Variants in CCDC14 observed in about 807,000 individuals in gnomAD.
CCDC14 encodes the protein coiled-coil domain-containing protein 14.
CCDC14 carries 71 observed loss-of-function variants against 81.4 expected under a neutral mutation model. That is an observed-to-expected ratio of 0.87 (90% CI 0.72 to 1.06). The LOEUF (loss-of-function observed/expected upper bound fraction) is 1.06, where lower values mean the gene tolerates loss of function less well. Among genes scored for constraint, CCDC14 ranks in the 50% least tolerant of loss-of-function variants. The pLI, the probability that CCDC14 is intolerant of heterozygous loss-of-function variation, is 0.00. For synonymous variants in CCDC14, 332 were observed against 364.8 expected, an observed-to-expected ratio of 0.91 and a Z score of 1.03; for missense variants, 1,046 against 1,047.3, an observed-to-expected ratio of 1.00 and a Z score of 0.02.
intron 12 of CCDC14, among the ~76,000 whole-genome samples, chr3:123,920,186 G>A (rs2034960919): frequency 6.6e-6 from 1 of 152,034 alleles, no homozygotes. Flanking sequence ...AGCCTGAAAA[G>A]AGGACATTTA....
At chr3:123,923,221 A>G (rs2035156468) in intron 12 of CCDC14, among the ~76,000 whole-genome samples, 1 of 152,124 alleles carries the variant, frequency 6.6e-6, no homozygotes, top group Non-Finnish European at 1.5e-5. Flanking sequence ...CACTTGATAC[A>G]TTTCAACACT....
rs897250246 is a variant in CCDC14 at position 123,928,219 on chromosome 3, C to T, written c.1778+2883G>A. Among the ~76,000 whole-genome samples the T allele has an allele frequency of 3.3e-5, 5 of 151,470 alleles. No homozygotes were observed. The South Asian group carries it at 8.3e-4, about 25-fold the overall frequency. On this transcript the variant is annotated intron_variant, in intron 12 of 12. Coordinates refer to ENST00000409697, the MANE Select transcript of CCDC14 (RefSeq NM_001366335.1). ...TTACTTAAAAAAAGACGTATCTGGC[C>T]TGGCACGGTGGCTCACGCTGGTAAT...
chr3:123,886,684 C>A, the CCDC14 span, among the ~76,000 whole-genome samples: 1 of 152,120 alleles, frequency 6.6e-6, no homozygotes, highest in Non-Finnish European at 1.5e-5. Context: ...GCATGAGCCA[C>A]CCCGCCTGGC....
rs2036391736 is a variant in CCDC14 at position 123,942,330 on chromosome 3, TA to T, written c.1343+2518del. 2.0e-5 allele frequency among the ~76,000 whole-genome samples: 3 copies of T among 152,222 alleles called. No homozygotes were observed. In the South Asian group the frequency reaches 6.2e-4, roughly 32 times the overall value. On this transcript the variant is annotated intron_variant, in intron 9 of 12. Transcript: ENST00000409697. ...AGTCTGGCATATATAAAACATTCAA[TA>T]AATGTTAGCAGTATTTGCTGTTCAT... is the stretch of plus-strand genomic sequence containing the variant.
At chr3:123,927,881 G>C (rs2035462408) in intron 12 of CCDC14, among the ~76,000 whole-genome samples, 1 of 152,036 alleles carries the variant, frequency 6.6e-6, no homozygotes, top group Non-Finnish European at 1.5e-5. Context: ...GAAAGAATGA[G>C]CAGGTACAAA....
rs1429165242 is a variant in CCDC14 at position 123,947,074 on chromosome 3, A to C, written c.930T>G (p.Phe310Leu). The change falls in exon 8 of 13, where the codon TTT (phenylalanine) becomes TTG (leucine). Residue 310 changes from phenylalanine (F) to leucine (L), a missense_variant. Phe to Leu is a conservative substitution (Grantham distance 22, BLOSUM62 0). Transcript: ENST00000409697. ...LKCIQTYLSL[F>L]RSHGKETHLD... ...GATGCGTTTCTTTTCCATGAGATCG[A>C]AAAAGAGACAAATATGTTTGAATAC... The C allele has an allele frequency of 6.2e-7, 1 of 1,613,800 alleles. No individual in the cohort carries two copies. The highest frequency in any genetic ancestry group is 1.1e-5 in the South Asian group (1 of 91,070).
chr3:123,908,497 T>C (rs1006441806), downstream of CCDC14, among the ~76,000 whole-genome samples: 8 of 152,346 alleles, frequency 5.3e-5, no homozygotes, highest in South Asian at 1.0e-3. Flanking sequence ...TAATGCACCA[T>C]GTTATTCAAG....
At chr3:123,909,525 T>C (rs760586886), downstream of CCDC14, among the ~76,000 whole-genome samples, 3 of 152,226 alleles carry the variant, frequency 2.0e-5, no homozygotes, top group South Asian at 2.1e-4. Context: ...GAAATTGTTT[T>C]ACTAGCATTA....
chr3:123,887,480 C>CA, the CCDC14 span, among the ~76,000 whole-genome samples: 84 of 145,154 alleles, frequency 5.8e-4, no homozygotes, highest in African/African-American at 7.0e-4. Context: ...ACAACAACAA[C>CA]AAAAAAAAAA....
rs1378062356 is a variant in CCDC14 at position 123,956,724 on chromosome 3, G to T, written c.86+16C>A. ...TTCCTTGAAATCTGAAGTTGTAAAC[G>T]TCTTCAAGTACTTACGCTTTCTTTC... On this transcript the variant is annotated intron_variant, in intron 2 of 12. Coordinates refer to ENST00000409697, the MANE Select transcript of CCDC14 (RefSeq NM_001366335.1). The T allele has an allele frequency of 5.2e-6, 8 of 1,539,692 alleles. No individual in the cohort carries two copies. The East Asian group carries it at 2.0e-4, about 38-fold the overall frequency.
At position 123,931,565 on chromosome 3, in the gene CCDC14, C is replaced by T. The variant is rs754389262; in HGVS notation, c.1427-39G>A. 16 of 1,115,118 alleles carry T rather than the reference C, an allele frequency of 1.4e-5. No individual in the cohort carries two copies. In the African/African-American group the frequency reaches 2.4e-4, roughly 17 times the overall value. 69.1% of individuals were successfully genotyped at this position (1,115,118 alleles called of 1,614,324 possible). ...ATGGATCAAATAGTTGTTTCCCAAA[C>T]CTAAAAAGTACAAACTTGGAAAATA... On this transcript the variant is annotated intron_variant, in intron 10 of 12. Transcript: ENST00000409697.
rs374105030 is a variant in CCDC14, at chr3:123,915,663, G to A, written c.1834C>T (p.Arg612Cys). 2.2e-5 allele frequency: 35 copies of A among 1,613,950 alleles called. No individual in the cohort carries two copies. In the African/African-American group the frequency reaches 3.6e-4, roughly 17 times the overall value. Reference sequence around the variant, plus strand: ...GTAAGGTTATTCCCAGGCTTGCAGCGAGCACTGTCCACACTAAGATCGGAG... The same window carrying A: ...GTAAGGTTATTCCCAGGCTTGCAGCAAGCACTGTCCACACTAAGATCGGAG... The part of the protein sequence containing the change: ...LLSDLSVDSA[R>C]CKPGNNLTKS... The change falls in exon 13 of 13, where the codon CGC (arginine) becomes TGC (cysteine). Residue 612 changes from arginine to cysteine, a missense_variant. Coordinates refer to ENST00000409697, the MANE Select transcript of CCDC14 (RefSeq NM_001366335.1).
At chr3:123,936,669 A>C (rs1484154456) in intron 9 of CCDC14, among the ~76,000 whole-genome samples, 1 of 152,078 alleles carries the variant, frequency 6.6e-6, no homozygotes, top group Non-Finnish European at 1.5e-5. Flanking sequence ...AACAACAGAC[A>C]CTGGGGTCTG....
intron 9 of CCDC14, among the ~76,000 whole-genome samples, chr3:123,934,270 C>CAAAAAAAAAAAAAAAAAAAAA (rs61094944): frequency 3.8e-5 from 2 of 52,290 alleles, no homozygotes; most frequent in African/African-American, 1.7e-4. Flanking sequence ...GACTCTGCCT[C>CAAAAAAAAAAAAAAAAAAAAA]AAAAAAAAAA....
chr3:123,918,658 G>T (rs1346249229), intron 12 of CCDC14, among the ~76,000 whole-genome samples: 2 of 152,204 alleles, frequency 1.3e-5, no homozygotes, highest in Admixed American at 6.5e-5. Context: ...AAAGAAAGCT[G>T]GAGGTGAATA....
chr3:123,913,937 G>C lies in CCDC14; in HGVS notation c.*842C>G. 1 of 984,902 alleles carries C rather than the reference G, an allele frequency of 1.0e-6. No individual in the cohort carries two copies. Among genetic ancestry groups the C allele is most frequent in the Non-Finnish European group, 1.2e-6 (1 of 829,196 alleles). 61.0% of individuals were successfully genotyped at this position (984,902 alleles called of 1,614,324 possible). A position where few individuals can be genotyped will look rare whatever the true frequency, so the allele number is the denominator to read the frequency against. ...CCTACTTCATATTATTTATAAAATA[G>C]AGAATATTCTCAGCTAACATGCTGG... On this transcript the variant is annotated 3_prime_UTR_variant, in exon 13 of 13. Transcript: ENST00000409697.
chr3:123,913,031 A>ATCTCTTCT, downstream of CCDC14, among the ~76,000 whole-genome samples: 1 of 152,204 alleles, frequency 6.6e-6, no homozygotes, highest in South Asian at 2.1e-4. Context: ...CATCCAAATG[A>ATCTCTTCT]AGTTCTCTTC....
intron 12 of CCDC14, among the ~76,000 whole-genome samples, chr3:123,924,766 A>G (rs904273653): frequency 1.3e-5 from 2 of 152,134 alleles, no homozygotes; most frequent in South Asian, 2.1e-4. Context: ...AGTGTTGATG[A>G]AGATGTGGAG....
At chr3:123,891,269 T>C in the CCDC14 span, among the ~76,000 whole-genome samples, 2 of 152,204 alleles carry the variant, frequency 1.3e-5, no homozygotes, top group South Asian at 2.1e-4. Context: ...CCCATTGTCA[T>C]GGGGATTAAC....
Sources: allele counts gnomAD v4.1 joint callset (sites outside exome capture counted in the v4.1 genomes callset), GRCh38; gene constraint gnomAD v4.1.1; transcripts MANE v1.5; gene names NCBI Gene and HGNC (gene_info 2026-07-23, HGNC 2026-07-21).